LNX2: variants seen among roughly 807,000 people sequenced by gnomAD.
LNX2 encodes the protein ligand of numb-protein X 2.
LNX2 carries 35 observed loss-of-function variants against 66.2 expected under a neutral mutation model. That is an observed-to-expected ratio of 0.53 (90% CI 0.40 to 0.70). The LOEUF (loss-of-function observed/expected upper bound fraction) is 0.70. Among genes scored for constraint, LNX2 ranks in the 30% least tolerant of loss-of-function variants. The pLI is 0.00. For missense variants in LNX2, 791 were observed against 850.8 expected, an observed-to-expected ratio of 0.93 and a Z score of 0.87; for synonymous variants, 337 against 315.6, an observed-to-expected ratio of 1.07 and a Z score of -0.72.
At chr13:27,604,265 G>A (rs1199028934) in intron 1 of LNX2, among the ~76,000 whole-genome samples, 3 of 152,202 alleles carry the variant, frequency 2.0e-5, no homozygotes, top group South Asian at 2.1e-4. Context: ...AGTATAAAAT[G>A]AACCACGCTC....
intron 1 of LNX2, among the ~76,000 whole-genome samples, chr13:27,602,476 T>C (rs1212867302): frequency 6.6e-6 from 1 of 152,184 alleles, no homozygotes; most frequent in African/African-American, 2.4e-5. Context: ...ACATAGAGTA[T>C]GTACTCTTTT....
intron 2 of LNX2, among the ~76,000 whole-genome samples, chr13:27,580,651 T>A (rs1955387081): frequency 6.6e-6 from 1 of 152,186 alleles, no homozygotes; most frequent in Admixed American, 6.5e-5. Flanking sequence ...AAATCCCCAC[T>A]AAATATTTAG....
intron 1 of LNX2, among the ~76,000 whole-genome samples, chr13:27,607,898 T>G (rs1400833506): frequency 1.3e-5 from 2 of 152,206 alleles, no homozygotes; most frequent in Non-Finnish European, 2.9e-5. Flanking sequence ...AGCTGTAGAT[T>G]CTAGTAACCA....
chr13:27,587,063 T>C (rs543742364), intron 1 of LNX2, among the ~76,000 whole-genome samples: 1 of 152,240 alleles, frequency 6.6e-6, no homozygotes, highest in East Asian at 1.9e-4. Flanking sequence ...TACTCCTGAC[T>C]CAGATTTAAA....
Position 27,553,273 on chromosome 13 carries a change from A to G in LNX2, c.1713T>C (p.Thr571=), listed in dbSNP as rs1325166896. Residue 571 remains threonine (T), a synonymous_variant, in exon 8 of 10, where the codon ACT becomes ACC. Coordinates refer to ENST00000316334, the MANE Select transcript of LNX2 (RefSeq NM_153371.4). ...ATQNAEEQPS[T]FSENEYDASW... is the part of the protein sequence containing the mutation. ...TGGCATCATACTCATTTTCGCTGAA[A>G]GTACTCGGCTGCTCCTCCGCGTTCT... The G allele has an allele frequency of 3.7e-6, 6 of 1,614,098 alleles. No individual in the cohort carries two copies. The highest frequency in any genetic ancestry group is 5.1e-6 in the Non-Finnish European group (6 of 1,180,036).
At chr13:27,558,867 CTG>C (rs751324492) in intron 6 of LNX2, among the ~76,000 whole-genome samples, 2 of 152,100 alleles carry the variant, frequency 1.3e-5, no homozygotes, top group African/African-American at 4.8e-5. Context: ...GCCAAAAATA[CTG>C]TGTCTTTAAG....
intron 1 of LNX2, among the ~76,000 whole-genome samples, chr13:27,602,132 A>T (rs754458086): frequency 1.3e-5 from 2 of 151,806 alleles, no homozygotes; most frequent in Non-Finnish European, 2.9e-5. Flanking sequence ...AATGTGCAAA[A>T]CTTTTTTTTT....
At chr13:27,579,835 A>T (rs2138389394) in intron 2 of LNX2, among the ~76,000 whole-genome samples, 1 of 152,312 alleles carries the variant, frequency 6.6e-6, no homozygotes, top group East Asian at 1.9e-4. Context: ...GTATATTCAA[A>T]AGACCAGTGT....
chr13:27,585,083 C>T lies in LNX2; in HGVS notation c.-100-3280G>A, dbSNP rs554523487. On this transcript the variant is annotated intron_variant, in intron 1 of 9. Coordinates refer to ENST00000316334, the MANE Select transcript of LNX2 (RefSeq NM_153371.4). ...TTACAGTGAGCAGAGATCATGCCAC[C>T]GCACTCCAGCCTGGGTGACAGGGTG... 7.5e-4 allele frequency among the ~76,000 whole-genome samples: 111 copies of T among 147,972 alleles called. 1 individual carries two copies. In the South Asian group the frequency reaches 0.023, roughly 30 times the overall value.
chr13:27,583,206 G>C (rs1566124650), intron 1 of LNX2, among the ~76,000 whole-genome samples: 12 of 18,014 alleles, frequency 6.7e-4, no homozygotes, highest in African/African-American at 3.4e-3. Flanking sequence ...GTGTGTGTGT[G>C]TGTGTGTGTG....
chr13:27,614,085 T>A (rs962756482), intron 1 of LNX2, among the ~76,000 whole-genome samples: 1 of 152,246 alleles, frequency 6.6e-6, no homozygotes, highest in Admixed American at 6.5e-5. Context: ...TAATTATTCC[T>A]GGGCTTAAAC....
chr13:27,586,370 A>G (rs1340936917), intron 1 of LNX2, among the ~76,000 whole-genome samples: 2 of 152,178 alleles, frequency 1.3e-5, no homozygotes, highest in Non-Finnish European at 2.9e-5. Context: ...GGAGAAAGGC[A>G]TCCTGACCTC....
intron 1 of LNX2, among the ~76,000 whole-genome samples, chr13:27,604,912 A>C (rs929317269): frequency 2.1e-5 from 3 of 145,342 alleles, no homozygotes; most frequent in East Asian, 4.0e-4. Flanking sequence ...TTAATGGGGG[A>C]AAAACAGACC....
intron 3 of LNX2, among the ~76,000 whole-genome samples, chr13:27,568,594 C>T (rs1955235230): frequency 6.6e-6 from 1 of 151,964 alleles, no homozygotes; most frequent in Admixed American, 6.6e-5. Context: ...AAAACCCAAA[C>T]TTAAAATGTT....
chr13:27,620,596 G>A (rs1359597270), upstream of LNX2: 2 of 155,808 alleles, frequency 1.3e-5, no homozygotes, highest in Non-Finnish European at 2.8e-5. Flanking sequence ...CGGGGGCAGC[G>A]CCAAGGCCGA....
At position 27,581,839 on chromosome 13, in the gene LNX2, T is replaced by C. The variant is rs567727141; in HGVS notation, c.-100-36A>G. 4 of 605,734 alleles carry C rather than the reference T, an allele frequency of 6.6e-6. No individual in the cohort carries two copies. In the East Asian group the frequency reaches 1.2e-4, roughly 18 times the overall value. The allele number at this position is 605,734 out of a possible 1,614,324, so 37.5% of individuals were successfully genotyped here. On this transcript the variant is annotated intron_variant, in intron 1 of 9. Transcript: ENST00000316334. ...AAAACAAACACATTAAAAAAGGTAATTAATATCAATCAAGATAGGTTAAAA... is the reference window on the plus strand; with the variant it reads ...AAAACAAACACATTAAAAAAGGTAACTAATATCAATCAAGATAGGTTAAAA...
intron 1 of LNX2, among the ~76,000 whole-genome samples, chr13:27,592,354 AG>A (rs1955553373): frequency 6.6e-6 from 1 of 152,114 alleles, no homozygotes; most frequent in Non-Finnish European, 1.5e-5. Flanking sequence ...GGCTGATGGG[AG>A]GGGGGAAAGT....
At chr13:27,549,567 T>TAACCTTTCCAA in intron 9 of LNX2, among the ~76,000 whole-genome samples, 1 of 152,216 alleles carries the variant, frequency 6.6e-6, no homozygotes, top group Admixed American at 6.5e-5. Flanking sequence ...GCTATTTCAT[T>TAACCTTTCCAA]GTGGGCAAGT....
intron 5 of LNX2, among the ~76,000 whole-genome samples, chr13:27,561,170 T>A (rs539398291): frequency 6.6e-6 from 1 of 152,368 alleles, no homozygotes; most frequent in Non-Finnish European, 1.5e-5. Context: ...ACATTTTCTA[T>A]CTGTGTATCT....
Sources: allele counts gnomAD v4.1 joint callset (sites outside exome capture counted in the v4.1 genomes callset), GRCh38; gene constraint gnomAD v4.1.1; transcripts MANE v1.5; gene names NCBI Gene and HGNC (gene_info 2026-07-23, HGNC 2026-07-21).